MED14: variants seen among roughly 807,000 people sequenced by gnomAD.
MED14 encodes the protein mediator of RNA polymerase II transcription subunit 14.
MED14 carries 8 observed loss-of-function variants against 109.0 expected under a neutral mutation model. That is an observed-to-expected ratio of 0.07 (90% confidence interval 0.04 to 0.13). The LOEUF (loss-of-function observed/expected upper bound fraction) is 0.13, where lower values mean the gene tolerates loss of function less well. Among genes scored for constraint, MED14 ranks in the 10% least tolerant of loss-of-function variants. The pLI is 1.00. For missense variants in MED14, 711 were observed against 1,142.4 expected, an observed-to-expected ratio of 0.62 and a Z score of 5.44; for synonymous variants, 399 against 408.7, an observed-to-expected ratio of 0.98 and a Z score of 0.29.
chrX:40,724,000 T>C (rs956420119), intron 3 of MED14, among the ~76,000 whole-genome samples: 1 of 111,235 alleles, frequency 9.0e-6, no homozygotes, highest in Non-Finnish European at 1.9e-5. Flanking sequence ...AATAAAGGGA[T>C]GGGAAAAGAT....
chrX:40,670,778 A>AT (rs1175236102), intron 23 of MED14, among the ~76,000 whole-genome samples: 2 of 109,483 alleles, frequency 1.8e-5, no homozygotes, highest in African/African-American at 6.9e-5. Context: ...AAAAAAAAAA[A>AT]AAAATAAAAA....
chrX:40,718,112 A>T (rs1931601596), intron 3 of MED14, among the ~76,000 whole-genome samples: 2 of 111,977 alleles, frequency 1.8e-5, no homozygotes, highest in Non-Finnish European at 3.8e-5. Flanking sequence ...ACAACAACAA[A>T]AATATTTCTT....
rs768258788 is a variant in MED14, at chrX:40,672,227, G to GT, written c.3022-256dup. Among the ~76,000 whole-genome samples, 609 of 112,192 alleles carry GT rather than the reference G, an allele frequency of 5.4e-3. 6 individuals carry two copies. Among genetic ancestry groups the GT allele is most frequent in the African/African-American group, 0.019 (582 of 30,920 alleles). ...TGCAATGCTTTCTATCCCTCAAGATGTTTTTTGCTCATTTTCTATCTAGCA... is the reference window on the plus strand; with the variant it reads ...TGCAATGCTTTCTATCCCTCAAGATGTTTTTTTGCTCATTTTCTATCTAGCA... On this transcript the variant is annotated intron_variant, in intron 22 of 30. Coordinates refer to ENST00000324817, the MANE Select transcript of MED14 (RefSeq NM_004229.4).
intron 25 of MED14, among the ~76,000 whole-genome samples, chrX:40,664,065 A>G (rs746919494): frequency 1.8e-5 from 2 of 110,769 alleles, no homozygotes; most frequent in East Asian, 2.8e-4. Flanking sequence ...ACGTGATGAA[A>G]CTTCCATAAA....
Position 40,654,437 on chromosome X carries a change from G to A in MED14, c.4218C>T (p.Asn1406=). The A allele has an allele frequency of 1.7e-6, 2 of 1,211,373 alleles. No individual in the cohort carries two copies. The highest frequency in any genetic ancestry group is 2.2e-6 in the Non-Finnish European group (2 of 895,017). ...CCATCATGGGAGCAGCAACAGAAGA[G>A]TTCTGCTGTCTGGGAATGTCTGCCT... The part of the protein sequence containing the change: ...TQQADIPRQQ[N]SSVAAPMMVS... The change falls in exon 30 of 31, where the codon AAC becomes AAT. Residue 1406 remains asparagine (N), a synonymous_variant. Transcript: ENST00000324817.
Position 40,735,273 on chromosome X carries a change from G to C in MED14, c.140C>G (p.Pro47Arg). The change falls in exon 1 of 31, where the codon CCG (proline) becomes CGG (arginine). Residue 47 changes from proline (P) to arginine (R), a missense_variant. Transcript: ENST00000324817. ...AATGAGGGTGCTCAGCCGGTAGCCC[G>C]GGCTAGCCGCAGCTGCAGCGGCCGC... ...VAAAAAAAASPGYRLSTLIEF... is the reference protein window; with the variant it reads ...VAAAAAAAASRGYRLSTLIEF... 1 of 1,142,195 alleles carries C rather than the reference G, an allele frequency of 8.8e-7. No homozygotes were observed. Among genetic ancestry groups the C allele is most frequent in the Non-Finnish European group, 1.2e-6 (1 of 861,892 alleles). 94.1% of individuals were successfully genotyped at this position (1,142,195 alleles called of 1,213,427 possible). A position where few individuals can be genotyped will look rare whatever the true frequency, so the allele number is the denominator to read the frequency against.
At chrX:40,727,200 T>C (rs1429996834) in intron 2 of MED14, among the ~76,000 whole-genome samples, 1 of 112,057 alleles carries the variant, frequency 8.9e-6, no homozygotes, top group African/African-American at 3.2e-5. Flanking sequence ...TGAGGAGTTA[T>C]GAATTATAAG....
intron 12 of MED14, among the ~76,000 whole-genome samples, chrX:40,700,063 C>A (rs1290040792): frequency 9.0e-6 from 1 of 110,924 alleles, no homozygotes; most frequent in Non-Finnish European, 1.9e-5. Flanking sequence ...GCAGGAGAAT[C>A]CCTTGAACCC....
At chrX:40,730,032 A>AT (rs920488889) in intron 1 of MED14, among the ~76,000 whole-genome samples, 1 of 111,873 alleles carries the variant, frequency 8.9e-6, no homozygotes, top group African/African-American at 3.3e-5. Flanking sequence ...GAATTGCCAC[A>AT]TTCTGTTAAC....
At chrX:40,658,661 A>C (rs1382456591) in intron 28 of MED14, among the ~76,000 whole-genome samples, 1 of 85,365 alleles carries the variant, frequency 1.2e-5, no homozygotes, top group Admixed American at 1.5e-4. Flanking sequence ...GACCAGCCTG[A>C]GCAACACGGT....
Position 40,711,311 on chromosome X carries a change from G to A in MED14, c.890-10C>T. ...GATAAACAGAAAGAATCTGATAGAT[G>A]TTGTTAAGTAAAATTAATACATTAC... On this transcript the variant is annotated splice_polypyrimidine_tract_variant and intron_variant, in intron 7 of 30. Coordinates refer to ENST00000324817, the MANE Select transcript of MED14 (RefSeq NM_004229.4). 2 of 1,175,074 alleles carry A rather than the reference G, an allele frequency of 1.7e-6. No homozygotes were observed. The highest frequency in any genetic ancestry group is 2.3e-6 in the Non-Finnish European group (2 of 866,855).
chrX:40,711,614 TTTATTA>T (rs1179808768), intron 7 of MED14, among the ~76,000 whole-genome samples: 3 of 110,650 alleles, frequency 2.7e-5, no homozygotes, highest in African/African-American at 9.9e-5. Context: ...ACAGTACTTT[TTTATTA>T]TTATTATTTT....
intron 29 of MED14, 83 bp from the exon 30 acceptor site, chrX:40,654,639 G>T: frequency 3.1e-6 from 3 of 981,532 alleles, no homozygotes; most frequent in Non-Finnish European, 4.2e-6. Flanking sequence ...ATCATTTACT[G>T]TACTTTCAGA....
At chrX:40,679,299 G>A (rs144256658) in intron 21 of MED14, among the ~76,000 whole-genome samples, 2,290 of 111,415 alleles carry the variant, frequency 0.021, 19 homozygotes, top group Middle Eastern at 0.05. Context: ...CTGAGGTCAG[G>A]AGTTCAAGAC....
chrX:40,715,740 C>A (rs1480096857), intron 3 of MED14, among the ~76,000 whole-genome samples: 2 of 89,275 alleles, frequency 2.2e-5, no homozygotes, highest in East Asian at 4.0e-4. Context: ...GAGCCAAGAT[C>A]GTGCCACTGC....
At chrX:40,701,777 A>G (rs1242006338) in intron 11 of MED14, among the ~76,000 whole-genome samples, 2 of 111,876 alleles carry the variant, frequency 1.8e-5, no homozygotes, top group Non-Finnish European at 3.8e-5. Flanking sequence ...AATGAGCAAA[A>G]AAAAGCAAGA....
intron 13 of MED14, among the ~76,000 whole-genome samples, chrX:40,693,460 G>T (rs779186924): frequency 5.4e-5 from 6 of 111,603 alleles, no homozygotes; most frequent in Middle Eastern, 4.6e-3. Context: ...CACCATCCAC[G>T]TAAGCTGTGA....
chrX:40,700,339 T>C (rs961505214), intron 12 of MED14, among the ~76,000 whole-genome samples: 30 of 62,903 alleles, frequency 4.8e-4, no homozygotes, highest in African/African-American at 1.7e-3. Flanking sequence ...CCAGCCTTGG[T>C]GGCAACAAAG....
chrX:40,676,043 G>A (rs775948247), intron 21 of MED14, among the ~76,000 whole-genome samples: 3 of 112,125 alleles, frequency 2.7e-5, no homozygotes, highest in South Asian at 7.3e-4. Context: ...GCCTATAATC[G>A]CAGCACTTTG....
Sources: gnomAD v4.1 joint callset for allele counts (sites outside exome capture counted in the v4.1 genomes callset) on GRCh38, gnomAD v4.1.1 for gene constraint, MANE v1.5 for transcripts, NCBI Gene and HGNC (gene_info 2026-07-23, HGNC 2026-07-21) for gene names.